Variants in CTNNA3 observed in about 807,000 individuals in gnomAD.
The protein encoded by CTNNA3 is catenin alpha 3.
A neutral mutation model predicts 95.7 loss-of-function variants in CTNNA3; 76 were observed. That is an observed-to-expected ratio of 0.79 (90% confidence interval 0.66 to 0.96). CTNNA3 has a LOEUF of 0.96. Among genes scored for constraint, CTNNA3 ranks in the 40% least tolerant of loss-of-function variants. The pLI is 0.00. For missense variants in CTNNA3, 1,191 were observed against 1,089.8 expected (o/e 1.09, Z -1.31); for synonymous variants, 431 against 374.4 (o/e 1.15, Z -1.74).
At position 67,400,134 on chromosome 10, in the gene CTNNA3, T is replaced by C. The variant is rs558458392; in HGVS notation, c.579+121708A>G. Among the ~76,000 whole-genome samples, 316 of 143,476 alleles carry C rather than the reference T, an allele frequency of 2.2e-3. 2 individuals carry two copies. Among genetic ancestry groups the C allele is most frequent in the African/African-American group, 7.7e-3 (303 of 39,486 alleles). The allele number at this position is 143,476 out of a possible 152,430, so 94.1% of individuals were successfully genotyped here. ...CCCTTCCTATGTCCATGTGTTCTCATTGTTCAATTTAATTACAATCTTTAA... is the reference window on the plus strand; with the variant it reads ...CCCTTCCTATGTCCATGTGTTCTCACTGTTCAATTTAATTACAATCTTTAA... On this transcript the variant is annotated intron_variant, in intron 5 of 17. Coordinates refer to ENST00000433211, the MANE Select transcript of CTNNA3 (RefSeq NM_013266.4).
chr10:66,019,624 A>G (rs1440801915), intron 15 of CTNNA3, among the ~76,000 whole-genome samples: 1 of 152,196 alleles, frequency 6.6e-6, no homozygotes, highest in Non-Finnish European at 1.5e-5. Context: ...TAAATGATCT[A>G]AGTAAACATA....
At chr10:66,411,660 G>A (rs1167556319) in intron 11 of CTNNA3, among the ~76,000 whole-genome samples, 1 of 152,016 alleles carries the variant, frequency 6.6e-6, no homozygotes, top group Non-Finnish European at 1.5e-5. Context: ...AATAAATGAT[G>A]ACAAACCAGC....
intron 7 of CTNNA3, among the ~76,000 whole-genome samples, chr10:66,777,072 A>G (rs971081823): frequency 2.0e-5 from 3 of 152,178 alleles, no homozygotes; most frequent in African/African-American, 7.2e-5. Context: ...AAAGTTCTCT[A>G]TGAGCTGAGG....
intron 7 of CTNNA3, among the ~76,000 whole-genome samples, chr10:66,848,565 A>C (rs191039932): frequency 3.3e-5 from 5 of 152,322 alleles, no homozygotes; most frequent in Non-Finnish European, 7.4e-5. Flanking sequence ...TTGTTTTAAA[A>C]ATGCTGCTGT....
intron 7 of CTNNA3, among the ~76,000 whole-genome samples, chr10:66,885,550 T>C (rs534126925): frequency 6.6e-6 from 1 of 151,968 alleles, no homozygotes; most frequent in East Asian, 1.9e-4. Context: ...CTCTAATGAG[T>C]CTGTTAGAGA....
At chr10:66,872,372 C>CA (rs1215335613) in intron 7 of CTNNA3, among the ~76,000 whole-genome samples, 1 of 151,910 alleles carries the variant, frequency 6.6e-6, no homozygotes, top group African/African-American at 2.4e-5. Context: ...TGTTATTTTT[C>CA]AAAAAAATAA....
intron 9 of CTNNA3, among the ~76,000 whole-genome samples, chr10:66,747,937 A>C (rs1838955043): frequency 6.6e-6 from 1 of 152,168 alleles, no homozygotes; most frequent in African/African-American, 2.4e-5. Flanking sequence ...CTCCACTGGC[A>C]CCAACTCATA....
chr10:67,620,855 T>C (rs1448578505), intron 2 of CTNNA3, among the ~76,000 whole-genome samples: 1 of 151,112 alleles, frequency 6.6e-6, no homozygotes, highest in African/African-American at 2.4e-5. Context: ...ATTTATTTAA[T>C]TTGTAGAGCT....
At chr10:65,961,861 T>C (rs747184164) in intron 17 of CTNNA3, among the ~76,000 whole-genome samples, 2 of 152,026 alleles carry the variant, frequency 1.3e-5, no homozygotes, top group East Asian at 3.9e-4. Context: ...GCCTGGAATA[T>C]ACAAGTCATT....
chr10:66,979,859 T>A (rs565624874), intron 7 of CTNNA3, among the ~76,000 whole-genome samples: 126 of 152,314 alleles, frequency 8.3e-4, no homozygotes, highest in Middle Eastern at 3.4e-3. Context: ...AACACTAGAC[T>A]GAAAAACAAA....
chr10:67,028,250 T>G (rs1023792587), intron 7 of CTNNA3, among the ~76,000 whole-genome samples: 1 of 152,158 alleles, frequency 6.6e-6, no homozygotes, highest in African/African-American at 2.4e-5. Flanking sequence ...TTTGTTGTTG[T>G]TGTTATTTTG....
intron 13 of CTNNA3, among the ~76,000 whole-genome samples, chr10:66,159,666 G>A (rs1170599474): frequency 2.7e-5 from 3 of 112,352 alleles, no homozygotes; most frequent in Non-Finnish European, 5.7e-5. Context: ...TCCTGGTTTT[G>A]GTATTAGCAT....
At chr10:66,588,448 A>G (rs1428371927) in intron 10 of CTNNA3, among the ~76,000 whole-genome samples, 1 of 152,170 alleles carries the variant, frequency 6.6e-6, no homozygotes, top group African/African-American at 2.4e-5. Context: ...AATGCCTCCA[A>G]ACCACTGGGC....
At chr10:66,367,882 T>TAA (rs1473239565) in intron 12 of CTNNA3, among the ~76,000 whole-genome samples, 97 of 12,054 alleles carry the variant, frequency 8.0e-3, no homozygotes, top group African/African-American at 0.025. Flanking sequence ...ATAATAATAA[T>TAA]TATTATTATT....
At chr10:67,515,459 C>T (rs568124108) in intron 5 of CTNNA3, among the ~76,000 whole-genome samples, 1 of 152,244 alleles carries the variant, frequency 6.6e-6, no homozygotes, top group East Asian at 1.9e-4. Context: ...AATGAAATTG[C>T]ATAAGTAGTG....
chr10:66,807,674 TC>T (rs963006628), intron 7 of CTNNA3, among the ~76,000 whole-genome samples: 1 of 152,124 alleles, frequency 6.6e-6, no homozygotes, highest in Non-Finnish European at 1.5e-5. Context: ...AAAACTATTT[TC>T]CCTCACTATG....
chr10:67,011,977 C>T (rs1453625493), intron 7 of CTNNA3, among the ~76,000 whole-genome samples: 1 of 152,094 alleles, frequency 6.6e-6, no homozygotes, highest in Non-Finnish European at 1.5e-5. Flanking sequence ...ACATTACCTC[C>T]TCTGTCATTT....
intron 5 of CTNNA3, among the ~76,000 whole-genome samples, chr10:67,520,866 A>C (rs1839963123): frequency 6.6e-6 from 1 of 152,064 alleles, no homozygotes; most frequent in Non-Finnish European, 1.5e-5. Flanking sequence ...TGCTTTGAAA[A>C]CCTTCATCCA....
chr10:66,018,107 T>C (rs956105606), intron 15 of CTNNA3, among the ~76,000 whole-genome samples: 6 of 151,578 alleles, frequency 4.0e-5, no homozygotes, highest in Non-Finnish European at 5.9e-5. Context: ...TCATATTATA[T>C]ACAACTTACA....
Sources: allele counts gnomAD v4.1 joint callset (sites outside exome capture counted in the v4.1 genomes callset), GRCh38; gene constraint gnomAD v4.1.1; transcripts MANE v1.5; gene names NCBI Gene and HGNC (gene_info 2026-07-23, HGNC 2026-07-21).